FARSB: variants seen among roughly 807,000 people sequenced by gnomAD.
FARSB encodes phenylalanine--tRNA ligase beta subunit.
In FARSB, 40 loss-of-function variants were observed where a neutral mutation model predicts 69.6. The ratio of observed to expected loss-of-function variants is 0.57; its 90% confidence interval spans 0.45 to 0.75. The LOEUF is 0.75. Among genes scored for constraint, FARSB ranks in the 30% least tolerant of loss-of-function variants. FARSB has a pLI of 0.00. For missense variants in FARSB, 632 were observed against 722.9 expected (o/e 0.87, Z 1.44); for synonymous variants, 235 against 247.2 (o/e 0.95, Z 0.46).
intron 6 of FARSB, 80 bp downstream of exon 6, chr2:222,634,311 T>A: frequency 1.0e-6 from 1 of 981,828 alleles, no homozygotes; most frequent in Non-Finnish European, 1.5e-6. Context: ...ATTGATTACA[T>A]TTCCCTAGTT....
intron 10 of FARSB, among the ~76,000 whole-genome samples, chr2:222,624,976 C>T (rs1333703448): frequency 6.6e-6 from 1 of 152,212 alleles, no homozygotes; most frequent in Non-Finnish European, 1.5e-5. Context: ...GAACATTCTA[C>T]TTGCTAGACA....
At chr2:222,590,368 G>A (rs1468373464) in intron 16 of FARSB, among the ~76,000 whole-genome samples, 1 of 152,118 alleles carries the variant, frequency 6.6e-6, no homozygotes, top group African/African-American at 2.4e-5. Context: ...CCTGTCATGG[G>A]GTGGGGGAAG....
chr2:222,636,180 G>GT (rs1262859386), intron 5 of FARSB, among the ~76,000 whole-genome samples: 1 of 151,930 alleles, frequency 6.6e-6, no homozygotes, highest in Non-Finnish European at 1.5e-5. Flanking sequence ...GCCGAGGCAG[G>GT]TGGATCACAA....
intron 13 of FARSB, 79 bp downstream of exon 13, chr2:222,623,571 T>C (rs1691193134): frequency 1.2e-6 from 1 of 856,874 alleles, no homozygotes; most frequent in Admixed American, 1.7e-5. Flanking sequence ...TTATAAATTC[T>C]TATAAAGCAT....
intron 2 of FARSB, among the ~76,000 whole-genome samples, chr2:222,647,703 T>G (rs1330092496): frequency 2.0e-5 from 3 of 152,186 alleles, no homozygotes; most frequent in Admixed American, 6.5e-5. Flanking sequence ...AGGAGGAGGT[T>G]GTGGTGAGCC....
At position 222,599,931 on chromosome 2, in the gene FARSB, C is replaced by T; in HGVS notation, c.1615G>A (p.Glu539Lys). Residue 539 changes from glutamate to lysine, a missense_variant, in exon 16 of 17, where the codon GAA becomes AAA. Coordinates refer to ENST00000281828, the MANE Select transcript of FARSB (RefSeq NM_005687.5). ...DKGGYVIKAS[E>K]GPAFFPGRCA... is the part of the protein sequence containing the mutation. The stretch of plus-strand genomic sequence containing the variant: ...GGATTCGGCTCATCTGTCTTACCTT[C>T]TGATGCTTTGATCACATATCCCCCC... 1.3e-6 allele frequency: 2 copies of T among 1,594,702 alleles called. No homozygotes were observed. Among genetic ancestry groups the T allele is most frequent in the Non-Finnish European group, 1.7e-6 (2 of 1,175,110 alleles).
intron 16 of FARSB, among the ~76,000 whole-genome samples, chr2:222,592,540 C>G (rs1690301488): frequency 6.6e-6 from 1 of 151,912 alleles, no homozygotes; most frequent in East Asian, 1.9e-4. Flanking sequence ...ACTGAGTAAT[C>G]AGAATCATCC....
chr2:222,596,416 T>C (rs1474202536), intron 16 of FARSB, among the ~76,000 whole-genome samples: 1 of 152,098 alleles, frequency 6.6e-6, no homozygotes, highest in Admixed American at 6.6e-5. Flanking sequence ...TAGTGTACAT[T>C]AAAAGGACAG....
At chr2:222,576,749 C>CT (rs1299815414) in intron 16 of FARSB, among the ~76,000 whole-genome samples, 2 of 152,162 alleles carry the variant, frequency 1.3e-5, no homozygotes, top group Non-Finnish European at 2.9e-5. Context: ...TGGAATGAGA[C>CT]TGGAACCATA....
intron 16 of FARSB, among the ~76,000 whole-genome samples, chr2:222,579,675 C>T (rs1689921094): frequency 6.6e-6 from 1 of 152,172 alleles, no homozygotes; most frequent in Admixed American, 6.5e-5. Flanking sequence ...GCAATCCTGT[C>T]CATTTCCTTC....
chr2:222,601,236 T>C (rs1574924032), intron 15 of FARSB, among the ~76,000 whole-genome samples: 2 of 152,288 alleles, frequency 1.3e-5, no homozygotes, highest in Middle Eastern at 3.4e-3. Context: ...TGTGCACCTC[T>C]AAAAGTTTAC....
chr2:222,645,192 C>G (rs2106240818), intron 2 of FARSB, among the ~76,000 whole-genome samples: 1 of 152,056 alleles, frequency 6.6e-6, no homozygotes, highest in South Asian at 2.1e-4. Flanking sequence ...AAAAGGAGGC[C>G]CAGAGAGACT....
intron 7 of FARSB, 128 bp downstream of exon 7, chr2:222,633,071 A>G: frequency 1.6e-6 from 1 of 644,032 alleles, no homozygotes; most frequent in Non-Finnish European, 2.8e-6. Flanking sequence ...AGAATCTACA[A>G]AAGACCTGAG....
At chr2:222,608,482 T>G (rs112869431) in intron 15 of FARSB, among the ~76,000 whole-genome samples, 1 of 151,984 alleles carries the variant, frequency 6.6e-6, no homozygotes, top group African/African-American at 2.4e-5. Context: ...TACAAACCAA[T>G]AGCAAATTGA....
intron 14 of FARSB, among the ~76,000 whole-genome samples, chr2:222,617,901 A>C (rs960810550): frequency 1.3e-5 from 2 of 152,208 alleles, no homozygotes; most frequent in Admixed American, 6.5e-5. Flanking sequence ...AATAAAAATA[A>C]AATAAAGTTT....
chr2:222,582,574 T>C (rs890907309), intron 16 of FARSB, among the ~76,000 whole-genome samples: 1 of 152,218 alleles, frequency 6.6e-6, no homozygotes, highest in African/African-American at 2.4e-5. Flanking sequence ...TTGTTGATAA[T>C]AGTATTTTTA....
intron 15 of FARSB, among the ~76,000 whole-genome samples, chr2:222,604,012 C>A (rs943844493): frequency 6.6e-6 from 1 of 151,722 alleles, no homozygotes; most frequent in Non-Finnish European, 1.5e-5. Context: ...GTCAGGAGAT[C>A]GAGACCATCC....
At chr2:222,626,434 CAG>C (rs1235695535) in intron 10 of FARSB, among the ~76,000 whole-genome samples, 2 of 151,998 alleles carry the variant, frequency 1.3e-5, no homozygotes, top group South Asian at 2.1e-4. Context: ...AAAAAATTTT[CAG>C]AGTTTGAGAA....
chr2:222,581,669 G>A (rs555981706), intron 16 of FARSB, among the ~76,000 whole-genome samples: 2 of 152,216 alleles, frequency 1.3e-5, no homozygotes, highest in Non-Finnish European at 2.9e-5. Context: ...AAAGACAGTT[G>A]ACAAACTGAA....
Sources: gnomAD v4.1 joint callset for allele counts (sites outside exome capture counted in the v4.1 genomes callset) on GRCh38, gnomAD v4.1.1 for gene constraint, MANE v1.5 for transcripts, NCBI Gene and HGNC (gene_info 2026-07-23, HGNC 2026-07-21) for gene names.